The following SCN9A variants were observed in gnomAD, a reference collection of about 807,000 sequenced individuals.
The protein encoded by SCN9A is sodium voltage-gated channel alpha subunit 9, also known as sodium channel protein type 9 subunit alpha.
A neutral mutation model predicts 187.0 loss-of-function variants in SCN9A; 131 were observed. The observed-to-expected ratio is 0.70, with a 90% CI of 0.61 to 0.81. SCN9A has a LOEUF of 0.81. Among genes scored for constraint, SCN9A ranks in the 30% least tolerant of loss-of-function variants. The pLI, the probability that SCN9A is intolerant of heterozygous loss-of-function variation, is 0.00. For missense variants in SCN9A, 2,252 were observed against 2,396.6 expected (o/e 0.94, Z 1.26); for synonymous variants, 809 against 808.6 (o/e 1.00, Z -0.01).
At position 166,284,752 on chromosome 2, in the gene SCN9A, C is replaced by T. The variant is rs201569378; in HGVS notation, c.1675G>A (p.Gly559Ser). 1.4e-4 allele frequency: 228 copies of T among 1,613,732 alleles called. No homozygotes were observed. Among genetic ancestry groups the T allele is most frequent in the Non-Finnish European group, 1.8e-4 (216 of 1,179,880 alleles). ...SSRTSLFSFK[G>S]RGRDIGSETE... ...TCAGATCCTATATCTCTTCCTCTGC[C>T]TTTGAAACTAAAAAGACTTGTTCTG... The change falls in exon 12 of 27, where the codon GGC becomes AGC. Residue 559 changes from glycine to serine, a missense_variant. By Grantham distance (56) the Gly-to-Ser change is moderately conservative. Coordinates refer to ENST00000642356, the MANE Select transcript of SCN9A (RefSeq NM_001365536.1).
At chr2:166,293,159 A>G (rs1453784265) in intron 9 of SCN9A, 72 bp downstream of exon 9, 4 of 1,386,660 alleles carry the variant, frequency 2.9e-6, no homozygotes, top group Non-Finnish European at 4.0e-6. Context: ...AAACCTCCTA[A>G]TACAGGCTCT....
At chr2:166,245,441 A>G (rs1164022389) in intron 18 of SCN9A, among the ~76,000 whole-genome samples, 2 of 151,978 alleles carry the variant, frequency 1.3e-5, no homozygotes, top group Non-Finnish European at 2.9e-5. Context: ...ATGAACAAGA[A>G]GGACCAAGAG....
chr2:166,251,737 C>A (rs1313153110), intron 18 of SCN9A, 28 bp downstream of exon 18: 2 of 1,611,610 alleles, frequency 1.2e-6, no homozygotes, highest in African/African-American at 1.3e-5. Flanking sequence ...TTAAGGAATG[C>A]TAACCAAGGT....
At chr2:166,305,641 C>A in intron 5 of SCN9A, 151 bp downstream of exon 5, 2 of 1,009,558 alleles carry the variant, frequency 2.0e-6, no homozygotes, top group South Asian at 3.1e-5. Flanking sequence ...ATTTGCCTAT[C>A]AATGACTAGC....
chr2:166,245,687 A>T (rs1558979465), intron 18 of SCN9A, among the ~76,000 whole-genome samples: 2 of 152,032 alleles, frequency 1.3e-5, no homozygotes, highest in Non-Finnish European at 2.9e-5. Context: ...AGATGAAGGC[A>T]GGAGGTGGGA....
At chr2:166,372,458 C>G (rs538845547) in intron 1 of SCN9A, among the ~76,000 whole-genome samples, 15 of 152,240 alleles carry the variant, frequency 9.9e-5, no homozygotes, top group African/African-American at 3.6e-4. Context: ...TTAGATGATA[C>G]AGATTTAAAC....
intron 1 of SCN9A, among the ~76,000 whole-genome samples, chr2:166,372,477 G>A (rs939390075): frequency 1.3e-5 from 2 of 151,964 alleles, no homozygotes; most frequent in Non-Finnish European, 2.9e-5. Flanking sequence ...ACCTAACAAG[G>A]TTATCATTTT....
At chr2:166,352,425 CT>C (rs1700053388) in intron 1 of SCN9A, among the ~76,000 whole-genome samples, 1 of 151,958 alleles carries the variant, frequency 6.6e-6, no homozygotes. Flanking sequence ...TGTAATAAGC[CT>C]ACAATAAAAG....
At chr2:166,231,671 C>T (rs1695091917) in intron 21 of SCN9A, among the ~76,000 whole-genome samples, 1 of 151,090 alleles carries the variant, frequency 6.6e-6, no homozygotes, top group Non-Finnish European at 1.5e-5. Context: ...TCTGCCTCAG[C>T]CTCCCTAGTA....
chr2:166,210,388 C>A (rs1574719678), intron 24 of SCN9A, among the ~76,000 whole-genome samples: 1 of 151,288 alleles, frequency 6.6e-6, no homozygotes, highest in East Asian at 2.0e-4. Context: ...TGTAGCACAC[C>A]AACATGGCAC....
At chr2:166,239,121 G>A (rs541855521) in intron 19 of SCN9A, among the ~76,000 whole-genome samples, 13 of 150,040 alleles carry the variant, frequency 8.7e-5, no homozygotes, top group Admixed American at 1.3e-4. Context: ...CATGTCCCTT[G>A]ACAAAGAATT....
At chr2:166,233,869 C>T (rs1695201135) in intron 20 of SCN9A, among the ~76,000 whole-genome samples, 1 of 152,110 alleles carries the variant, frequency 6.6e-6, no homozygotes, top group Admixed American at 6.5e-5. Context: ...GTGTGGTATT[C>T]ACTCAACTAA....
chr2:166,306,531 G>A lies in SCN9A; in HGVS notation c.446C>T (p.Pro149Leu), dbSNP rs121908921. The A allele has an allele frequency of 5.7e-6, 9 of 1,571,602 alleles. No individual in the cohort carries two copies. The highest frequency in any genetic ancestry group is 3.6e-5 in the Admixed American group (2 of 54,958). The change falls in exon 4 of 27, where the codon CCG (proline) becomes CTG (leucine). Residue 149 changes from proline to leucine, a missense_variant. Transcript: ENST00000642356. ...NCIFMTMNNP[P>L]DWTKNVEYTF... ...TTACTCGACATTTTTGGTCCAGTCCGGTGGGTTATTCATGGTCATAAATAT... is the reference window on the plus strand; with the variant it reads ...TTACTCGACATTTTTGGTCCAGTCCAGTGGGTTATTCATGGTCATAAATAT...
chr2:166,199,856 G>A lies in SCN9A; in HGVS notation c.4783C>T (p.Leu1595=). The change falls in exon 27 of 27, where the codon CTA becomes TTA. Residue 1595 remains leucine (L), a synonymous_variant. Transcript: ENST00000642356. ...VVIISIVGMF[L]ADLIETYFVS... Reference sequence around the variant, plus strand: ...AAATACGTTTCAATCAAATCAGCTAGAAACATACCTGTATGTGGAGGAAAA... The same window carrying A: ...AAATACGTTTCAATCAAATCAGCTAAAAACATACCTGTATGTGGAGGAAAA... 6.2e-7 allele frequency: 1 copy of A among 1,612,414 alleles called. No homozygotes were observed. The highest frequency in any genetic ancestry group is 8.5e-7 in the Non-Finnish European group (1 of 1,179,322).
intron 1 of SCN9A, among the ~76,000 whole-genome samples, chr2:166,370,120 T>A (rs1700513428): frequency 6.6e-6 from 1 of 151,336 alleles, no homozygotes; most frequent in South Asian, 2.1e-4. Context: ...ACATTGGATT[T>A]AAAAACATAT....
intron 17 of SCN9A, among the ~76,000 whole-genome samples, chr2:166,264,823 TAAAC>T (rs1156689750): frequency 6.6e-6 from 1 of 151,912 alleles, no homozygotes; most frequent in African/African-American, 2.4e-5. Context: ...TGCAGGTTCT[TAAAC>T]AAGCAAAAGG....
Position 166,242,633 on chromosome 2 carries a change from A to C in SCN9A, c.3496T>G (p.Cys1166Gly). The stretch of plus-strand genomic sequence containing the variant: ...TTCCCTGACTCTATGTTAACTTGGC[A>C]GCATGAGAACCTCCATACACAACCT... ...TDGCVWRFSC[C>G]QVNIESGKGK... is the part of the protein sequence containing the mutation. The change falls in exon 19 of 27, where the codon TGC becomes GGC. Residue 1166 changes from cysteine to glycine, a missense_variant. Around this residue, in one of 7 missense-constraint regions of SCN9A, gnomAD observed 313 missense variants for 295.3 expected, o/e 1.06. Coordinates refer to ENST00000642356, the MANE Select transcript of SCN9A (RefSeq NM_001365536.1). 6.4e-7 allele frequency: 1 copy of C among 1,551,958 alleles called. No homozygotes were observed. The highest frequency in any genetic ancestry group is 8.7e-7 in the Non-Finnish European group (1 of 1,146,896).
At chr2:166,300,407 C>T (rs943218798) in intron 7 of SCN9A, among the ~76,000 whole-genome samples, 4 of 150,982 alleles carry the variant, frequency 2.6e-5, no homozygotes, top group Admixed American at 6.6e-5. Flanking sequence ...TTCTTACTAT[C>T]TTTTAGATCT....
intron 24 of SCN9A, among the ~76,000 whole-genome samples, chr2:166,214,241 A>G (rs1694221247): frequency 6.6e-6 from 1 of 152,046 alleles, no homozygotes; most frequent in Admixed American, 6.5e-5. Context: ...TCTCAAGTAC[A>G]AAAAACGATG....
Sources: gnomAD v4.1 joint callset for allele counts (sites outside exome capture counted in the v4.1 genomes callset) on GRCh38, gnomAD v4.1.1 for gene constraint, gnomAD v4.1.1 regional missense constraint, MANE v1.5 for transcripts, NCBI Gene and HGNC (gene_info 2026-07-23, HGNC 2026-07-21) for gene names.